AGBL4: variants seen among roughly 807,000 people sequenced by gnomAD.
The protein encoded by AGBL4 is cytosolic carboxypeptidase 6.
In AGBL4, 58 loss-of-function variants were observed where a neutral mutation model predicts 66.4. That is an observed-to-expected ratio of 0.87 (90% confidence interval 0.71 to 1.09). The LOEUF (loss-of-function observed/expected upper bound fraction) is 1.09. AGBL4 is among the 50% of genes least tolerant of loss of function. AGBL4 has a pLI of 0.00. For synonymous variants in AGBL4, 234 were observed against 222.9 expected (o/e 1.05, Z -0.44); for missense variants, 579 against 631.0 (o/e 0.92, Z 0.88).
chr1:49,320,654 C>T (rs1225052448), intron 3 of AGBL4, among the ~76,000 whole-genome samples: 2 of 152,150 alleles, frequency 1.3e-5, no homozygotes, highest in East Asian at 1.9e-4. Context: ...AACTGAGAGA[C>T]ACCCCTCACC....
intron 4 of AGBL4, among the ~76,000 whole-genome samples, chr1:49,136,372 G>C (rs898101223): frequency 2.6e-5 from 4 of 152,144 alleles, no homozygotes; most frequent in Non-Finnish European, 5.9e-5. Context: ...AAGAGATTAA[G>C]GAATTTGCCT....
chr1:48,617,739 C>T (rs1040136399), intron 9 of AGBL4, among the ~76,000 whole-genome samples: 6 of 152,152 alleles, frequency 3.9e-5, no homozygotes, highest in Admixed American at 3.3e-4. Flanking sequence ...TTGGGGCGGC[C>T]CTTGGGCCGG....
chr1:49,372,659 CTT>C (rs1236028875), intron 3 of AGBL4, among the ~76,000 whole-genome samples: 4 of 116,492 alleles, frequency 3.4e-5, no homozygotes, highest in African/African-American at 7.6e-5. Context: ...TTCTTTCTTT[CTT>C]TCTTTCTTTC....
At chr1:48,726,524 A>G (rs1368141955) in intron 6 of AGBL4, among the ~76,000 whole-genome samples, 1 of 152,228 alleles carries the variant, frequency 6.6e-6, no homozygotes, top group Non-Finnish European at 1.5e-5. Flanking sequence ...GCCTTGGCAC[A>G]TATTAACTAT....
chr1:49,038,814 A>G (rs1664870393), intron 5 of AGBL4, among the ~76,000 whole-genome samples: 1 of 151,938 alleles, frequency 6.6e-6, no homozygotes, highest in Non-Finnish European at 1.5e-5. Flanking sequence ...AACTAAGCCT[A>G]CTCTTACCAT....
rs1252518611 is a variant in AGBL4 at position 48,541,852 on chromosome 1, T to TA, written c.1268-2115_1268-2114insT. Among the ~76,000 whole-genome samples, 6 of 152,294 alleles carry TA rather than the reference T, an allele frequency of 3.9e-5. No homozygotes were observed. The East Asian group carries it at 9.6e-4, about 24-fold the overall frequency. The stretch of plus-strand genomic sequence containing the variant: ...AATACGTGCTAGGCAATCTTTTTTT[T>TA]TATATATACTTTAAGTTCTGGGATA... On this transcript the variant is annotated intron_variant, in intron 11 of 13. Transcript: ENST00000371839.
intron 1 of AGBL4, among the ~76,000 whole-genome samples, chr1:49,988,011 A>G (rs1659645132): frequency 6.6e-6 from 1 of 151,826 alleles, no homozygotes; most frequent in South Asian, 2.1e-4. Context: ...CCTAGCCTAT[A>G]GAATTTATTT....
Position 48,628,384 on chromosome 1 carries a change from CTG to C in AGBL4, c.951+6107_951+6108del, listed in dbSNP as rs1251170836. Among the ~76,000 whole-genome samples, 5 of 152,282 alleles carry C rather than the reference CTG, an allele frequency of 3.3e-5. No homozygotes were observed. The East Asian group carries it at 9.6e-4, about 29-fold the overall frequency. On this transcript the variant is annotated intron_variant, in intron 9 of 13. Coordinates refer to ENST00000371839, the MANE Select transcript of AGBL4 (RefSeq NM_032785.4). The stretch of plus-strand genomic sequence containing the variant: ...CCATGGACTACTCTGATTTTCAAGA[CTG>C]AGAGAGGATATATGCTGGAATATTC...
intron 3 of AGBL4, among the ~76,000 whole-genome samples, chr1:49,330,290 A>G (rs1254167722): frequency 6.6e-6 from 1 of 152,164 alleles, no homozygotes; most frequent in Non-Finnish European, 1.5e-5. Flanking sequence ...AGTGGTGCAC[A>G]CCTGTAATTC....
intron 3 of AGBL4, among the ~76,000 whole-genome samples, chr1:49,573,129 T>A (rs955205162): frequency 6.9e-6 from 1 of 143,942 alleles, no homozygotes; most frequent in Non-Finnish European, 1.5e-5. Flanking sequence ...TATATATGTG[T>A]GTCTGTGTGT....
At chr1:49,224,952 G>A (rs895336709) in intron 4 of AGBL4, among the ~76,000 whole-genome samples, 20 of 152,186 alleles carry the variant, frequency 1.3e-4, no homozygotes, top group Admixed American at 2.0e-4. Flanking sequence ...GTGTGCCCAT[G>A]TACAAATGAA....
chr1:48,696,558 T>C (rs7541976), intron 6 of AGBL4, among the ~76,000 whole-genome samples: 5,513 of 152,156 alleles, frequency 0.036, 358 homozygotes, highest in African/African-American at 0.13. Context: ...TGATGTCTTT[T>C]CCTTTATAAA....
At chr1:49,343,758 G>T (rs1323929934) in intron 3 of AGBL4, among the ~76,000 whole-genome samples, 1 of 152,160 alleles carries the variant, frequency 6.6e-6, no homozygotes, top group African/African-American at 2.4e-5. Context: ...TATGTGTCAT[G>T]TGTGAAGTTT....
intron 6 of AGBL4, among the ~76,000 whole-genome samples, chr1:48,864,043 T>C (rs1273730245): frequency 6.6e-6 from 1 of 152,082 alleles, no homozygotes; most frequent in African/African-American, 2.4e-5. Context: ...GTTTGCAATG[T>C]ATATAAGTGA....
intron 3 of AGBL4, among the ~76,000 whole-genome samples, chr1:49,596,423 G>A (rs934039038): frequency 2.6e-5 from 4 of 152,002 alleles, no homozygotes; most frequent in Non-Finnish European, 4.4e-5. Flanking sequence ...TGCCAGCCTC[G>A]GCCTGCCAAA....
At chr1:49,900,163 T>C (rs1649632181) in intron 1 of AGBL4, among the ~76,000 whole-genome samples, 1 of 152,232 alleles carries the variant, frequency 6.6e-6, no homozygotes, top group African/African-American at 2.4e-5. Context: ...ATCTTTCACA[T>C]ATTGCTTCTA....
chr1:49,430,057 G>T (rs1219716762), intron 3 of AGBL4, among the ~76,000 whole-genome samples: 2 of 151,930 alleles, frequency 1.3e-5, no homozygotes, highest in Non-Finnish European at 2.9e-5. Flanking sequence ...ATGCTGCCCA[G>T]GCTGGTCTCA....
At chr1:49,742,537 A>C (rs1650598442) in intron 2 of AGBL4, among the ~76,000 whole-genome samples, 1 of 151,778 alleles carries the variant, frequency 6.6e-6, no homozygotes, top group South Asian at 2.1e-4. Flanking sequence ...TCTTCACAGA[A>C]TTGGAAAAAA....
At chr1:49,724,177 C>A (rs564833504) in intron 2 of AGBL4, among the ~76,000 whole-genome samples, 26 of 152,222 alleles carry the variant, frequency 1.7e-4, no homozygotes, top group Admixed American at 1.4e-3. Flanking sequence ...GAACAAAATC[C>A]CACTCTGGAC....
Sources: allele counts gnomAD v4.1 joint callset (sites outside exome capture counted in the v4.1 genomes callset), GRCh38; gene constraint gnomAD v4.1.1; transcripts MANE v1.5; gene names NCBI Gene and HGNC (gene_info 2026-07-23, HGNC 2026-07-21).